The following CSF2RA variants were observed in gnomAD, a reference collection of about 807,000 sequenced individuals.
CSF2RA encodes colony stimulating factor 2 receptor subunit alpha.
CSF2RA carries 42 observed loss-of-function variants against 51.6 expected under a neutral mutation model. The observed-to-expected ratio is 0.81, with a 90% CI of 0.64 to 1.05. The LOEUF (loss-of-function observed/expected upper bound fraction) is 1.05. Among genes scored for constraint, CSF2RA ranks in the 50% least tolerant of loss-of-function variants. CSF2RA has a pLI of 0.00. For synonymous variants in CSF2RA, 222 were observed against 193.0 expected, an observed-to-expected ratio of 1.15 and a Z score of -1.24; for missense variants, 530 against 501.1, an observed-to-expected ratio of 1.06 and a Z score of -0.55.
intron 8 of CSF2RA, 69 bp downstream of exon 8, chrX:1,294,530 GGGAATCCC>G: frequency 1.3e-6 from 2 of 1,599,768 alleles, no homozygotes; most frequent in East Asian, 4.5e-5. Flanking sequence ...ACAGGAGCCT[GGGAATCCC>G]GGGGAAGTGG....
rs776544607 is a variant in CSF2RA at position 1,288,301 on chromosome X, G to A, written c.220-218G>A. Among the ~76,000 whole-genome samples the A allele has an allele frequency of 2.6e-3, 368 of 142,568 alleles. 11 individuals are homozygous for A. In the South Asian group the frequency reaches 0.03, roughly 12 times the overall value. 93.5% of individuals were successfully genotyped at this position (142,568 alleles called of 152,430 possible). On this transcript the variant is annotated intron_variant, in intron 4 of 12. Coordinates refer to ENST00000381529, the MANE Select transcript of CSF2RA (RefSeq NM_172245.4). ...GTTTGAGACCAGCCTGGCCAACATGGTGAAACCCTGTCTCTACTACAAATA... is the reference window on the plus strand; with the variant it reads ...GTTTGAGACCAGCCTGGCCAACATGATGAAACCCTGTCTCTACTACAAATA...
downstream of CSF2RA, among the ~76,000 whole-genome samples, chrX:1,310,805 T>C (rs1309674497): frequency 6.6e-6 from 1 of 152,100 alleles, no homozygotes; most frequent in Non-Finnish European, 1.5e-5. Context: ...AAATCTCAGT[T>C]TGAAATTTGG....
At chrX:1,287,396 C>T (rs1404470827) in intron 4 of CSF2RA, among the ~76,000 whole-genome samples, 1 of 150,314 alleles carries the variant, frequency 6.7e-6, no homozygotes, top group Non-Finnish European at 1.5e-5. Context: ...TCGTGATCCA[C>T]CCTCCTTGGC....
chrX:1,324,080 G>A, the CSF2RA span, among the ~76,000 whole-genome samples: 4 of 152,010 alleles, frequency 2.6e-5, no homozygotes. Flanking sequence ...AGCTACTGGG[G>A]AGGCTGAGGT....
chrX:1,285,912 G>T lies in CSF2RA; in HGVS notation c.211G>T (p.Glu71Ter), dbSNP rs2148313439. ...AACTGACAAGAAGAACAGAGTCGTG[G>T]AACCCAGGGTGAGACGAATTTCCCA... ...FLTDKKNRVV[E>*]PRLSNNECSC... The change falls in exon 4 of 13, where the codon GAA (glutamate) becomes TAA (stop). Residue 71 changes from glutamate to a stop codon, truncating the protein, a stop_gained. Coordinates refer to ENST00000381529, the MANE Select transcript of CSF2RA (RefSeq NM_172245.4). LOFTEE classifies it high-confidence loss of function. The T allele has an allele frequency of 1.2e-6, 2 of 1,613,814 alleles. No individual in the cohort carries two copies. The highest frequency in any genetic ancestry group is 4.5e-5 in the East Asian group (2 of 44,860).
chrX:1,321,716 G>A, the CSF2RA span, among the ~76,000 whole-genome samples: 21 of 152,154 alleles, frequency 1.4e-4, no homozygotes, highest in Non-Finnish European at 2.9e-4. Flanking sequence ...ATTGTGTATT[G>A]TAGGCACTGT....
At chrX:1,286,854 C>T (rs774661267) in intron 4 of CSF2RA, among the ~76,000 whole-genome samples, 7 of 152,112 alleles carry the variant, frequency 4.6e-5, no homozygotes, top group South Asian at 2.1e-4. Context: ...GTGTCAGTCA[C>T]GTTGTCAGTG....
chrX:1,317,113 AT>A, the CSF2RA span, among the ~76,000 whole-genome samples: 6 of 150,134 alleles, frequency 4.0e-5, no homozygotes, highest in Non-Finnish European at 5.9e-5. Context: ...TGCCCGGCTA[AT>A]TTTTTTTGCA....
At position 1,305,655 on chromosome X, in the gene CSF2RA, G is replaced by A. The variant is rs147124116; in HGVS notation, c.1125+128G>A. 4,147 of 1,606,370 alleles carry A rather than the reference G, an allele frequency of 2.6e-3. 105 individuals carry two copies. The African/African-American group carries it at 0.051, about 20-fold the overall frequency. The stretch of plus-strand genomic sequence containing the variant: ...GGGACCGCAGCGTCACCACCGGTGT[G>A]GCTGGAATCTGTATCCCACTCCTGG... On this transcript the variant is annotated intron_variant, in intron 12 of 12. Transcript: ENST00000381529.
At chrX:1,297,584 C>T (rs868366118) in intron 9 of CSF2RA, among the ~76,000 whole-genome samples, 3 of 56,756 alleles carry the variant, frequency 5.3e-5, no homozygotes, top group African/African-American at 1.4e-4. Context: ...CTACAGTCTC[C>T]TACCCATGAC....
At chrX:1,296,409 C>T (rs1284018545) in intron 9 of CSF2RA, among the ~76,000 whole-genome samples, 1 of 54,500 alleles carries the variant, frequency 1.8e-5, no homozygotes, top group South Asian at 7.5e-4. Flanking sequence ...CCTGGCAGAA[C>T]CCTACAGTCC....
rs2089373210 is a variant in CSF2RA at position 1,277,739 on chromosome X, G to GGCC, written c.-27+2922_-27+2923insCCG. ...TGCCTGTAATCCCAGCACTTTGGGA[G>GGCC]GTGGAGGTGGGCAGATCACCTGAGG... On this transcript the variant is annotated intron_variant, in intron 2 of 12. Transcript: ENST00000381529. Among the ~76,000 whole-genome samples, 4 of 150,744 alleles carry GGCC rather than the reference G, an allele frequency of 2.7e-5. No homozygotes were observed. In the South Asian group the frequency reaches 6.3e-4, roughly 24 times the overall value.
intron 1 of CSF2RA, among the ~76,000 whole-genome samples, chrX:1,273,861 G>T (rs28475317): frequency 6.6e-6 from 1 of 151,518 alleles, no homozygotes; most frequent in Admixed American, 6.6e-5. Context: ...GCCTCCCGAA[G>T]TGCTGGGATG....
rs2083178222 is a variant in CSF2RA, at chrX:1,303,144, G to A, written c.947-779G>A. 7 of 258,796 alleles carry A rather than the reference G, an allele frequency of 2.7e-5. No individual in the cohort carries two copies. The East Asian group carries it at 3.7e-4, about 14-fold the overall frequency. The allele number at this position is 258,796 out of a possible 1,614,324, so 16.0% of individuals were successfully genotyped here. A position where few individuals can be genotyped will look rare whatever the true frequency, so the allele number is the denominator to read the frequency against. On this transcript the variant is annotated intron_variant, in intron 10 of 12. Transcript: ENST00000381529. ...ACGATCTTGGCTCACTGCAACCTCC[G>A]TCTCCCAGGCTCAAGCGATTCTCCT...
the CSF2RA span, among the ~76,000 whole-genome samples, chrX:1,324,456 G>T: frequency 4.0e-5 from 1 of 25,044 alleles, no homozygotes; most frequent in East Asian, 4.3e-3. Context: ...GAAAGAAAAA[G>T]AAAGAGAAAG....
chrX:1,314,268 C>CACTTGCCCAACCCCTCTGT (rs1569514710), downstream of CSF2RA, among the ~76,000 whole-genome samples: 3 of 47,632 alleles, frequency 6.3e-5, 1 homozygote, highest in Admixed American at 7.1e-4. Flanking sequence ...AACCCCACTG[C>CACTTGCCCAACCCCTCTGT]GCCTGCCCAA....
At chrX:1,277,777 G>T (rs1282329312) in intron 2 of CSF2RA, among the ~76,000 whole-genome samples, 4 of 147,678 alleles carry the variant, frequency 2.7e-5, no homozygotes, top group African/African-American at 7.5e-5. Context: ...AGGAGTTCGA[G>T]ACCAGCCTGA....
At chrX:1,274,878 A>G (rs1384074562) in intron 2 of CSF2RA, 60 bp downstream of exon 2, 1 of 453,420 alleles carries the variant, frequency 2.2e-6, no homozygotes, top group Non-Finnish European at 4.4e-6. Flanking sequence ...TTTTAAGTGA[A>G]GTCTAAAGAA....
chrX:1,307,589 C>T (rs187394834), intron 12 of CSF2RA, among the ~76,000 whole-genome samples: 11,645 of 132,918 alleles, frequency 0.088, 1,605 homozygotes, highest in Non-Finnish European at 0.13. Flanking sequence ...GCCCACCCTT[C>T]CCCCTTCAGC....
Sources: gnomAD v4.1 joint callset for allele counts (sites outside exome capture counted in the v4.1 genomes callset) on GRCh38, gnomAD v4.1.1 for gene constraint, MANE v1.5 for transcripts, NCBI Gene and HGNC (gene_info 2026-07-23, HGNC 2026-07-21) for gene names.